FOCAD: variants seen among roughly 807,000 people sequenced by gnomAD.
The protein encoded by FOCAD is KIAA1797.
Under a neutral mutation model 225.6 loss-of-function variants are expected in FOCAD, and 198 were observed. The observed-to-expected ratio is 0.88, with a 90% confidence interval of 0.78 to 0.99. FOCAD has a LOEUF of 0.99. FOCAD is among the 50% of genes least tolerant of loss of function. The pLI, the probability that FOCAD is intolerant of heterozygous loss-of-function variation, is 0.00. For missense variants in FOCAD, 2,713 were observed against 2,123.6 expected, an observed-to-expected ratio of 1.28 and a Z score of -5.46; for synonymous variants, 897 against 755.0, an observed-to-expected ratio of 1.19 and a Z score of -3.08.
intron 34 of FOCAD, among the ~76,000 whole-genome samples, chr9:20,952,674 G>T (rs1837792073): frequency 6.6e-6 from 1 of 152,086 alleles, no homozygotes; most frequent in Non-Finnish European, 1.5e-5. Flanking sequence ...AGGGCTTATT[G>T]ATGTGACAAT....
chr9:20,768,839 TATA>T (rs1275043363), intron 7 of FOCAD, among the ~76,000 whole-genome samples: 2 of 151,600 alleles, frequency 1.3e-5, no homozygotes, highest in Non-Finnish European at 2.9e-5. Context: ...TATTACCTAT[TATA>T]TTATTAAATA....
rs139920935 is a variant in FOCAD, at chr9:20,782,476, G to A, written c.1197+547G>A. ...GAAGACAACAGGCCTGCCACATTCC[G>A]TTTCCAATCCTGCCTGCCTCATTCC... On this transcript the variant is annotated intron_variant, in intron 10 of 43. Coordinates refer to ENST00000338382, the MANE Select transcript of FOCAD (RefSeq NM_001375567.1). 3.7e-3 allele frequency among the ~76,000 whole-genome samples: 570 copies of A among 152,116 alleles called. 5 individuals are homozygous for A. Among genetic ancestry groups the A allele is most frequent in the African/African-American group, 0.013 (549 of 41,486 alleles).
intron 21 of FOCAD, among the ~76,000 whole-genome samples, chr9:20,894,134 T>C (rs1831869614): frequency 6.6e-6 from 1 of 152,124 alleles, no homozygotes; most frequent in South Asian, 2.1e-4. Context: ...ATACGGTATA[T>C]AGATTTTTCA....
chr9:20,693,750 G>T (rs1292566492), intron 1 of FOCAD, among the ~76,000 whole-genome samples: 1 of 152,104 alleles, frequency 6.6e-6, no homozygotes, highest in Non-Finnish European at 1.5e-5. Flanking sequence ...TTGCTCTGTT[G>T]CCCAGGCTGA....
At chr9:20,788,816 C>T (rs1186538382) in intron 10 of FOCAD, among the ~76,000 whole-genome samples, 1 of 152,154 alleles carries the variant, frequency 6.6e-6, no homozygotes, top group Non-Finnish European at 1.5e-5. Flanking sequence ...GCTGTCAGGC[C>T]ATTTCCTATT....
intron 19 of FOCAD, among the ~76,000 whole-genome samples, chr9:20,881,516 T>C (rs1318034823): frequency 3.3e-5 from 5 of 152,176 alleles, no homozygotes; most frequent in African/African-American, 9.6e-5. Context: ...AGTAAACTAG[T>C]TTTTACATTA....
intron 15 of FOCAD, among the ~76,000 whole-genome samples, chr9:20,842,781 G>C (rs919789590): frequency 6.6e-6 from 1 of 151,786 alleles, no homozygotes; most frequent in Non-Finnish European, 1.5e-5. Context: ...TGGTTGTTTT[G>C]TGGTCTTCTC....
chr9:20,877,230 C>T (rs781208750), intron 19 of FOCAD, among the ~76,000 whole-genome samples: 1 of 152,066 alleles, frequency 6.6e-6, no homozygotes, highest in East Asian at 1.9e-4. Flanking sequence ...GGGGTTTGGG[C>T]CATCACCCTG....
In FOCAD at chr9:20,691,813, AC is replaced by A. The variant is rs568081226; in HGVS notation, c.-33+7523del. Among the ~76,000 whole-genome samples the A allele has an allele frequency of 7.1e-3, 935 of 130,786 alleles. 14 individuals carry two copies. The highest frequency in any genetic ancestry group is 0.026 in the African/African-American group (902 of 34,466). 85.8% of individuals were successfully genotyped at this position (130,786 alleles called of 152,430 possible). The stretch of plus-strand genomic sequence containing the variant: ...TTTTGAGATGGAGTCTCCCTCTGTC[AC>A]CCAGGCTGGAGTGCACTGGCACGAT... On this transcript the variant is annotated intron_variant, in intron 1 of 43. Coordinates refer to ENST00000338382, the MANE Select transcript of FOCAD (RefSeq NM_001375567.1).
chr9:20,721,999 C>CCCTCCCTT (rs1208742561), intron 4 of FOCAD, among the ~76,000 whole-genome samples: 11 of 96,360 alleles, frequency 1.1e-4, no homozygotes, highest in African/African-American at 1.3e-4. Flanking sequence ...CTCCCTCCCT[C>CCCTCCCTT]CCTCCCTTCC....
chr9:20,937,601 T>C (rs1443367357), intron 28 of FOCAD, among the ~76,000 whole-genome samples: 2 of 152,170 alleles, frequency 1.3e-5, no homozygotes, highest in African/African-American at 2.4e-5. Flanking sequence ...AAGACTTACA[T>C]GTTAGACCTA....
At chr9:20,985,813 C>T (rs1841100910) in intron 39 of FOCAD, among the ~76,000 whole-genome samples, 1 of 151,898 alleles carries the variant, frequency 6.6e-6, no homozygotes, top group South Asian at 2.1e-4. Context: ...AAAAAATAAA[C>T]GTCAGTACAA....
chr9:20,979,596 C>T (rs1047212815), intron 37 of FOCAD, among the ~76,000 whole-genome samples: 3 of 152,168 alleles, frequency 2.0e-5, no homozygotes, highest in African/African-American at 7.2e-5. Flanking sequence ...ACCTCAGTCT[C>T]CCAAAGTGCT....
At chr9:20,768,058 C>A (rs1029670246) in intron 7 of FOCAD, among the ~76,000 whole-genome samples, 4 of 150,510 alleles carry the variant, frequency 2.7e-5, no homozygotes, top group African/African-American at 9.7e-5. Context: ...AGCCAGTTTT[C>A]CCAGCACCAT....
intron 2 of FOCAD, 98 bp from the exon 3 acceptor site, chr9:20,717,696 A>T (rs1825446382): frequency 3.3e-6 from 3 of 902,804 alleles, no homozygotes; most frequent in Non-Finnish European, 5.1e-6. Context: ...AATTTTACTT[A>T]ATCCTAATTG....
chr9:20,875,096 T>C, intron 19 of FOCAD: 1 of 335,388 alleles, frequency 3.0e-6, no homozygotes, highest in Non-Finnish European at 5.4e-6. Context: ...TTCCACAAGA[T>C]GAATTTGCAC....
intron 28 of FOCAD, among the ~76,000 whole-genome samples, chr9:20,937,768 A>C (rs936262717): frequency 2.0e-5 from 3 of 152,116 alleles, no homozygotes; most frequent in Non-Finnish European, 4.4e-5. Context: ...ACAGCAAAAG[A>C]AACTACCATC....
intron 4 of FOCAD, among the ~76,000 whole-genome samples, chr9:20,735,296 T>C (rs190244376): frequency 6.8e-4 from 103 of 152,332 alleles, no homozygotes; most frequent in African/African-American, 2.3e-3. Flanking sequence ...TCTGGAATTT[T>C]AGTTACAGAT....
chr9:20,875,756 T>G (rs1043868973), intron 19 of FOCAD: 3 of 152,186 alleles, frequency 2.0e-5, no homozygotes, highest in African/African-American at 7.2e-5. Flanking sequence ...TGGACTGTGA[T>G]TAGGAACTTA....
Sources: allele counts gnomAD v4.1 joint callset (sites outside exome capture counted in the v4.1 genomes callset), GRCh38; gene constraint gnomAD v4.1.1; transcripts MANE v1.5; gene names NCBI Gene and HGNC (gene_info 2026-07-23, HGNC 2026-07-21).